The following PCNX2 variants were observed in gnomAD, a reference collection of about 807,000 sequenced individuals.
PCNX2 encodes the protein pecanex 2.
PCNX2 carries 168 observed loss-of-function variants against 223.8 expected under a neutral mutation model. The observed-to-expected ratio is 0.75, with a 90% CI of 0.66 to 0.85. The LOEUF is 0.85. Ranked by LOEUF, PCNX2 falls within the 40% of genes least tolerant of loss-of-function variation. PCNX2 has a pLI of 0.00. For missense variants in PCNX2, 2,507 were observed against 2,675.5 expected, an observed-to-expected ratio of 0.94 and a Z score of 1.39; for synonymous variants, 1,006 against 1,052.6, an observed-to-expected ratio of 0.96 and a Z score of 0.86.
chr1:233,263,590 G>A (rs1660175894), intron 1 of PCNX2, among the ~76,000 whole-genome samples: 1 of 151,740 alleles, frequency 6.6e-6, no homozygotes, highest in Admixed American at 6.6e-5. Flanking sequence ...CGAGGAGCTG[G>A]GATTACAGGC....
intron 7 of PCNX2, 111 bp from the exon 8 acceptor site, chr1:233,250,943 T>TTA (rs1457034348): frequency 2.9e-5 from 34 of 1,175,982 alleles, no homozygotes; most frequent in Non-Finnish European, 3.9e-5. Context: ...TCTGTTATAA[T>TTA]AACTGTTGAC....
intron 15 of PCNX2, among the ~76,000 whole-genome samples, chr1:233,184,029 C>T (rs975685221): frequency 1.3e-5 from 2 of 152,174 alleles, no homozygotes; most frequent in African/African-American, 4.8e-5. Context: ...AAACACAAAA[C>T]GTTTTCCAAA....
intron 23 of PCNX2, among the ~76,000 whole-genome samples, chr1:233,076,974 A>C (rs1012823929): frequency 2.0e-5 from 3 of 152,176 alleles, no homozygotes; most frequent in African/African-American, 4.8e-5. Flanking sequence ...AGGGGTGTAA[A>C]GGAGGATCAC....
intron 19 of PCNX2, among the ~76,000 whole-genome samples, chr1:233,149,989 G>T (rs1677699220): frequency 6.6e-6 from 1 of 151,712 alleles, no homozygotes; most frequent in South Asian, 2.1e-4. Flanking sequence ...AGATCTAAAT[G>T]AAGACTCCCT....
At chr1:233,173,936 A>G (rs917989206) in intron 17 of PCNX2, among the ~76,000 whole-genome samples, 16 of 151,654 alleles carry the variant, frequency 1.1e-4, no homozygotes, top group Middle Eastern at 3.5e-3. Flanking sequence ...AGTTGATTAT[A>G]TAGTATGCAC....
At chr1:233,097,266 A>G (rs1286594181) in intron 21 of PCNX2, among the ~76,000 whole-genome samples, 1 of 152,018 alleles carries the variant, frequency 6.6e-6, no homozygotes, top group Non-Finnish European at 1.5e-5. Context: ...AGAGAATGGA[A>G]GAATGATAGG....
At chr1:233,116,228 A>G (rs1675400012) in intron 21 of PCNX2, among the ~76,000 whole-genome samples, 2 of 152,330 alleles carry the variant, frequency 1.3e-5, no homozygotes, top group Admixed American at 6.5e-5. Context: ...GATTAGACAG[A>G]AAAAATAACA....
intron 32 of PCNX2, among the ~76,000 whole-genome samples, chr1:232,987,639 C>T (rs1669540159): frequency 6.6e-6 from 1 of 152,226 alleles, no homozygotes; most frequent in Non-Finnish European, 1.5e-5. Context: ...ATTCATTATG[C>T]ATCTGGTGAT....
chr1:233,246,874 A>C (rs1439229247), intron 8 of PCNX2, among the ~76,000 whole-genome samples: 1 of 152,224 alleles, frequency 6.6e-6, no homozygotes, highest in Non-Finnish European at 1.5e-5. Flanking sequence ...ATTGAGCCTG[A>C]TAGCTGGTTC....
chr1:233,047,276 T>C (rs867662243), intron 25 of PCNX2: 9 of 715,534 alleles, frequency 1.3e-5, no homozygotes, highest in Non-Finnish European at 1.5e-5. Context: ...ATATAATTGA[T>C]CTAAGATGAG....
rs1671798223 is a variant in PCNX2, at chr1:233,045,616, C to A, written c.4351+8652G>T. ...TAGAAACTAAAGAGTCAGACACTTT[C>A]TTTCCCAGGCTCCCTTCCATCTAGA... On this transcript the variant is annotated intron_variant, in intron 25 of 33. Transcript: ENST00000258229. Among the ~76,000 whole-genome samples, 5 of 152,206 alleles carry A rather than the reference C, an allele frequency of 3.3e-5. No homozygotes were observed. In the South Asian group the frequency reaches 1.0e-3, roughly 32 times the overall value.
Position 233,293,630 on chromosome 1 carries a change from A to G in PCNX2, c.153+1696T>C, listed in dbSNP as rs981684673. 3.9e-5 allele frequency among the ~76,000 whole-genome samples: 6 copies of G among 152,250 alleles called. No individual in the cohort carries two copies. The South Asian group carries it at 6.2e-4, about 16-fold the overall frequency. On this transcript the variant is annotated intron_variant, in intron 1 of 33. Transcript: ENST00000258229. Reference sequence around the variant, plus strand: ...ATTAATTCTAGCTAAATCAGAAAACATAAGGATGGAGAGATTTTAGAAGAT... The same window carrying G: ...ATTAATTCTAGCTAAATCAGAAAACGTAAGGATGGAGAGATTTTAGAAGAT...
At chr1:233,146,475 T>A (rs1677455873) in intron 19 of PCNX2, among the ~76,000 whole-genome samples, 1 of 152,242 alleles carries the variant, frequency 6.6e-6, no homozygotes, top group East Asian at 1.9e-4. Context: ...GTACAATCAG[T>A]TACAGTTAAG....
chr1:233,129,730 T>C (rs1475344072), intron 21 of PCNX2, among the ~76,000 whole-genome samples: 2 of 152,172 alleles, frequency 1.3e-5, no homozygotes, highest in African/African-American at 2.4e-5. Flanking sequence ...GGAGAAACTT[T>C]GTCTAGCTAA....
At chr1:233,275,636 G>T (rs1660867235) in intron 1 of PCNX2, among the ~76,000 whole-genome samples, 1 of 152,130 alleles carries the variant, frequency 6.6e-6, no homozygotes, top group Non-Finnish European at 1.5e-5. Flanking sequence ...ATTAACATAG[G>T]ATCTGGCAAT....
At chr1:233,098,059 A>G (rs1674281691) in intron 21 of PCNX2, among the ~76,000 whole-genome samples, 1 of 152,230 alleles carries the variant, frequency 6.6e-6, no homozygotes, top group African/African-American at 2.4e-5. Context: ...TGAGTTATTA[A>G]GAATTAATCT....
intron 17 of PCNX2, among the ~76,000 whole-genome samples, chr1:233,169,513 C>G (rs764588368): frequency 6.6e-5 from 10 of 151,242 alleles, no homozygotes; most frequent in Admixed American, 2.6e-4. Context: ...GGCATGGTGG[C>G]GCGCGCCTGT....
At chr1:233,133,524 C>T (rs770956303) in intron 21 of PCNX2, among the ~76,000 whole-genome samples, 17 of 152,030 alleles carry the variant, frequency 1.1e-4, no homozygotes, top group Non-Finnish European at 2.2e-4. Context: ...ACAAGAGGGA[C>T]GTAGGTCACT....
At chr1:233,260,462 T>C (rs939013483) in intron 4 of PCNX2, among the ~76,000 whole-genome samples, 1 of 152,178 alleles carries the variant, frequency 6.6e-6, no homozygotes, top group Non-Finnish European at 1.5e-5. Context: ...AAAGTAACGT[T>C]GTTATGAAGC....
Sources: gnomAD v4.1 joint callset for allele counts (sites outside exome capture counted in the v4.1 genomes callset) on GRCh38, gnomAD v4.1.1 for gene constraint, MANE v1.5 for transcripts, NCBI Gene and HGNC (gene_info 2026-07-23, HGNC 2026-07-21) for gene names.